CACNA2D3: variants seen among roughly 807,000 people sequenced by gnomAD.
CACNA2D3 encodes calcium voltage-gated channel auxiliary subunit alpha2delta 3.
CACNA2D3 carries 60 observed loss-of-function variants against 160.6 expected under a neutral mutation model. The observed-to-expected ratio is 0.37, with a 90% CI of 0.30 to 0.46. The LOEUF is 0.46. Among genes scored for constraint, CACNA2D3 ranks in the 20% least tolerant of loss-of-function variants. CACNA2D3 has a pLI of 1.00. For synonymous variants in CACNA2D3, 558 were observed against 492.9 expected, an observed-to-expected ratio of 1.13 and a Z score of -1.75; for missense variants, 1,205 against 1,365.0, an observed-to-expected ratio of 0.88 and a Z score of 1.85.
intron 2 of CACNA2D3, among the ~76,000 whole-genome samples, chr3:54,251,492 T>TA (rs1162415455): frequency 6.6e-6 from 1 of 152,232 alleles, no homozygotes; most frequent in African/African-American, 2.4e-5. Context: ...TTGGAAACAT[T>TA]ATTACTCTCA....
chr3:54,251,861 T>G (rs1702194659), intron 2 of CACNA2D3, among the ~76,000 whole-genome samples: 1 of 152,218 alleles, frequency 6.6e-6, no homozygotes, highest in African/African-American at 2.4e-5. Context: ...ACGATTTCAC[T>G]TATAAGACAG....
At chr3:54,731,873 A>G (rs766920497) in intron 11 of CACNA2D3, among the ~76,000 whole-genome samples, 1 of 152,076 alleles carries the variant, frequency 6.6e-6, no homozygotes, top group African/African-American at 2.4e-5. Flanking sequence ...GTATAGGGCA[A>G]TGGCGTGGAT....
intron 4 of CACNA2D3, among the ~76,000 whole-genome samples, chr3:54,454,839 A>G (rs916363820): frequency 6.6e-6 from 1 of 152,142 alleles, no homozygotes; most frequent in Admixed American, 6.5e-5. Flanking sequence ...GGGTGAGAAT[A>G]CACAGCATTT....
intron 31 of CACNA2D3, among the ~76,000 whole-genome samples, chr3:55,001,880 C>T (rs575832414): frequency 9.8e-5 from 15 of 152,298 alleles, no homozygotes; most frequent in South Asian, 6.2e-4. Context: ...CCCTGGAGGC[C>T]GAGCGCGGTG....
At chr3:54,880,500 C>T (rs1699769140) in intron 20 of CACNA2D3, among the ~76,000 whole-genome samples, 1 of 152,158 alleles carries the variant, frequency 6.6e-6, no homozygotes. Flanking sequence ...CTTGGGAGGG[C>T]ATCTGAGAGA....
At chr3:54,784,415 A>G (rs1190083131) in intron 13 of CACNA2D3, among the ~76,000 whole-genome samples, 1 of 152,124 alleles carries the variant, frequency 6.6e-6, no homozygotes, top group Non-Finnish European at 1.5e-5. Flanking sequence ...TGGGGGCCGG[A>G]AGGAGAAGCC....
chr3:54,800,110 G>T (rs1247760952), intron 13 of CACNA2D3, among the ~76,000 whole-genome samples: 1 of 152,172 alleles, frequency 6.6e-6, no homozygotes, highest in African/African-American at 2.4e-5. Flanking sequence ...CACTGGTAGG[G>T]TGGGAGTTCA....
rs199877627 is a variant in CACNA2D3, at chr3:54,183,078, TC to T, written c.204+59492del. On this transcript the variant is annotated intron_variant, in intron 2 of 37. Coordinates refer to ENST00000474759, the MANE Select transcript of CACNA2D3 (RefSeq NM_018398.3). ...TTGTCGTTTCTGAAGTTGACCTCAT[TC>T]CCCCCCCAAAATATTTTTCATGTTG... 1.5e-3 allele frequency among the ~76,000 whole-genome samples: 232 copies of T among 151,114 alleles called. 1 individual carries two copies. Among genetic ancestry groups the T allele is most frequent in the African/African-American group, 5.0e-3 (204 of 41,198 alleles).
intron 17 of CACNA2D3, among the ~76,000 whole-genome samples, chr3:54,859,385 A>G (rs1191110988): frequency 6.6e-6 from 1 of 152,180 alleles, no homozygotes; most frequent in Non-Finnish European, 1.5e-5. Context: ...TCTATTTCCA[A>G]ACACATCTCC....
At chr3:54,209,441 A>G (rs909786035) in intron 2 of CACNA2D3, among the ~76,000 whole-genome samples, 6 of 152,204 alleles carry the variant, frequency 3.9e-5, no homozygotes, top group Non-Finnish European at 5.9e-5. Context: ...ACTTTCAGCT[A>G]ATGAAAATAG....
chr3:54,222,201 T>C (rs1297640308), intron 2 of CACNA2D3, among the ~76,000 whole-genome samples: 1 of 152,234 alleles, frequency 6.6e-6, no homozygotes, highest in Non-Finnish European at 1.5e-5. Context: ...TTTCAAGATC[T>C]GCAGTAAGCA....
In CACNA2D3 at chr3:54,735,996, T is replaced by TAC. The variant is rs1553813859; in HGVS notation, c.1168-16602_1168-16601insCA. On this transcript the variant is annotated intron_variant, in intron 11 of 37. Coordinates refer to ENST00000474759, the MANE Select transcript of CACNA2D3 (RefSeq NM_018398.3). ...TTCCATGCATGTATATATATATACA[T>TAC]ATATATATATGTATATATATACACA... Among the ~76,000 whole-genome samples, 184 of 70,232 alleles carry TAC rather than the reference T, an allele frequency of 2.6e-3. 9 individuals carry two copies. Among genetic ancestry groups the TAC allele is most frequent in the Admixed American group, 4.2e-3 (29 of 6,882 alleles). 46.1% of individuals were successfully genotyped at this position (70,232 alleles called of 152,430 possible).
intron 2 of CACNA2D3, among the ~76,000 whole-genome samples, chr3:54,141,805 T>C (rs1699941014): frequency 1.3e-5 from 2 of 152,220 alleles, no homozygotes; most frequent in Non-Finnish European, 2.9e-5. Flanking sequence ...ACAACCTGAA[T>C]TTGATAATTT....
chr3:54,283,928 A>G (rs1243413715), intron 2 of CACNA2D3, among the ~76,000 whole-genome samples: 1 of 152,028 alleles, frequency 6.6e-6, no homozygotes. Flanking sequence ...CTGAGTGTGG[A>G]GTGCGTGGCT....
chr3:54,591,730 T>C (rs1368777921), intron 9 of CACNA2D3, among the ~76,000 whole-genome samples: 1 of 152,136 alleles, frequency 6.6e-6, no homozygotes, highest in Non-Finnish European at 1.5e-5. Context: ...TCATTCTGTC[T>C]AAACACCCTG....
intron 10 of CACNA2D3, among the ~76,000 whole-genome samples, chr3:54,635,566 G>C (rs1346170308): frequency 3.6e-3 from 492 of 134,880 alleles, no homozygotes; most frequent in African/African-American, 7.7e-3. Flanking sequence ...ATAAAAAGGA[G>C]CATCTATACA....
chr3:54,686,196 C>T (rs918032433), intron 11 of CACNA2D3, among the ~76,000 whole-genome samples: 2 of 152,196 alleles, frequency 1.3e-5, no homozygotes, highest in African/African-American at 4.8e-5. Flanking sequence ...TGGAACACAG[C>T]CATGCCCATT....
intron 5 of CACNA2D3, among the ~76,000 whole-genome samples, chr3:54,549,787 C>G (rs1385212409): frequency 1.3e-5 from 2 of 152,220 alleles, no homozygotes; most frequent in African/African-American, 4.8e-5. Flanking sequence ...TACCTGCTAG[C>G]CTCGGGGCTG....
chr3:54,974,282 A>G (rs536687014), intron 29 of CACNA2D3, among the ~76,000 whole-genome samples: 5 of 152,344 alleles, frequency 3.3e-5, no homozygotes, highest in African/African-American at 1.2e-4. Flanking sequence ...ACTAGGTACT[A>G]TGCTCAGTAC....
Sources: allele counts gnomAD v4.1 joint callset (sites outside exome capture counted in the v4.1 genomes callset), GRCh38; gene constraint gnomAD v4.1.1; transcripts MANE v1.5; gene names NCBI Gene and HGNC (gene_info 2026-07-23, HGNC 2026-07-21).